The following ATPAF2 variants were observed in gnomAD, a reference collection of about 807,000 sequenced individuals.
The protein encoded by ATPAF2 is ATP12 homolog.
In ATPAF2, 30 loss-of-function variants were observed where a neutral mutation model predicts 36.6. That is an observed-to-expected ratio of 0.82 (90% CI 0.61 to 1.11). ATPAF2 has a LOEUF of 1.11. Ranked by LOEUF, ATPAF2 falls within the 50% of genes most tolerant of loss-of-function variation. The pLI is 0.00. For synonymous variants in ATPAF2, 140 were observed against 152.6 expected (o/e 0.92, Z 0.61); for missense variants, 321 against 372.3 (o/e 0.86, Z 1.13).
chr17:18,020,861 A>G (rs749764599), intron 7 of ATPAF2: 2 of 667,526 alleles, frequency 3.0e-6, no homozygotes, highest in Admixed American at 3.7e-5. Context: ...GGGTTTTGCC[A>G]TGTTGCCCAG....
chr17:18,022,337 G>A (rs535883995), intron 5 of ATPAF2, among the ~76,000 whole-genome samples: 5 of 152,178 alleles, frequency 3.3e-5, no homozygotes, highest in South Asian at 2.1e-4. Flanking sequence ...GCTGGAGTGC[G>A]CTGGCATGAT....
At chr17:18,036,231 T>G (rs942968347) in intron 1 of ATPAF2, among the ~76,000 whole-genome samples, 3 of 152,108 alleles carry the variant, frequency 2.0e-5, no homozygotes, top group African/African-American at 7.2e-5. Flanking sequence ...CTTCTACTAC[T>G]TCAAATACGC....
chr17:18,021,132 C>T lies in ATPAF2; in HGVS notation c.723G>A (p.Glu241=). The change falls in exon 7 of 8, where the codon GAG becomes GAA. Residue 241 remains glutamate, a synonymous_variant. Transcript: ENST00000474627. ...AGGTGCTGCTCCTCACCTGGTACTCCTCCTCCAGGCGTGACAGCAGCACGG... is the reference window on the plus strand; with the variant it reads ...AGGTGCTGCTCCTCACCTGGTACTCTTCCTCCAGGCGTGACAGCAGCACGG... ...EQAVLLSRLE[E]EYQIQKWGNI... is the part of the protein sequence containing the mutation. 1.2e-6 allele frequency: 2 copies of T among 1,613,384 alleles called. No homozygotes were observed. Among genetic ancestry groups the T allele is most frequent in the Non-Finnish European group, 1.7e-6 (2 of 1,179,764 alleles).
chr17:18,018,871 C>T (rs1212646157), intron 7 of ATPAF2, among the ~76,000 whole-genome samples, 185 bp from the exon 8 acceptor site: 1 of 152,180 alleles, frequency 6.6e-6, no homozygotes, highest in Non-Finnish European at 1.5e-5. Context: ...CACGGTGGCT[C>T]ACGCCTGTAA....
At chr17:18,033,922 C>T (rs888827359) in intron 1 of ATPAF2, among the ~76,000 whole-genome samples, 6 of 151,886 alleles carry the variant, frequency 4.0e-5, no homozygotes, top group Non-Finnish European at 7.4e-5. Flanking sequence ...GAGTTCAAGA[C>T]CAGCCTGAGC....
intron 5 of ATPAF2, among the ~76,000 whole-genome samples, chr17:18,022,217 T>C (rs1165020021): frequency 6.6e-6 from 1 of 152,244 alleles, no homozygotes; most frequent in Non-Finnish European, 1.5e-5. Flanking sequence ...TTTGAGGACA[T>C]ATAAAAGTTA....
intron 1 of ATPAF2, among the ~76,000 whole-genome samples, chr17:18,029,814 C>T (rs567407195): frequency 1.4e-5 from 2 of 146,104 alleles, no homozygotes; most frequent in South Asian, 4.4e-4. Flanking sequence ...TGGTCTCGAA[C>T]TCCTGACCTC....
chr17:18,031,652 C>T (rs1424696662), intron 1 of ATPAF2, among the ~76,000 whole-genome samples: 4 of 151,826 alleles, frequency 2.6e-5, no homozygotes, highest in South Asian at 2.1e-4. Context: ...TGGTGGCGGG[C>T]GCCTGTAGTC....
At position 18,029,064 on chromosome 17, in the gene ATPAF2, T is replaced by G. The variant is rs573453236; in HGVS notation, c.134-405A>C. Reference sequence around the variant, plus strand: ...CCATTTCAGGCAAGACTCTGATGCCTCTAAGGAGTGAGTGGAAAGCCAGTG... The same window carrying G: ...CCATTTCAGGCAAGACTCTGATGCCGCTAAGGAGTGAGTGGAAAGCCAGTG... On this transcript the variant is annotated intron_variant, in intron 1 of 7. Transcript: ENST00000474627. Among the ~76,000 whole-genome samples, 18 of 152,290 alleles carry G rather than the reference T, an allele frequency of 1.2e-4. No individual in the cohort carries two copies. The South Asian group carries it at 3.7e-3, about 32-fold the overall frequency.
chr17:18,021,770 T>C lies in ATPAF2; in HGVS notation c.591A>G (p.Ala197=). ...KTREVLVSHL[A]SYNTWALQGI... Reference sequence around the variant, plus strand: ...CTTGTAAAGCCCATGTGTTGTAAGATGCCAGGTGGCTGACGAGCACCTCCC... The same window carrying C: ...CTTGTAAAGCCCATGTGTTGTAAGACGCCAGGTGGCTGACGAGCACCTCCC... Residue 197 remains alanine, a synonymous_variant, in exon 6 of 8, where the codon GCA becomes GCG. Transcript: ENST00000474627. 1 of 1,614,118 alleles carries C rather than the reference T, an allele frequency of 6.2e-7. No individual in the cohort carries two copies. Among genetic ancestry groups the C allele is most frequent in the Non-Finnish European group, 8.5e-7 (1 of 1,180,016 alleles).
chr17:18,016,276 A>G (rs1390776259), downstream of ATPAF2: 7 of 1,412,254 alleles, frequency 5.0e-6, no homozygotes, highest in Non-Finnish European at 6.9e-6. Flanking sequence ...TAGTGGATAG[A>G]ATTTTCATTA....
At chr17:18,016,776 T>C (rs2044380791), downstream of ATPAF2, 1 of 621,858 alleles carries the variant, frequency 1.6e-6, no homozygotes, top group Non-Finnish European at 2.8e-6. Context: ...GCTGGGCATC[T>C]CTCAACCGCG....
intron 3 of ATPAF2, among the ~76,000 whole-genome samples, chr17:18,027,508 C>T (rs559865436): frequency 1.0e-3 from 154 of 152,278 alleles, no homozygotes; most frequent in African/African-American, 3.5e-3. Context: ...TCATCCTGAC[C>T]ACAGCTCCGT....
chr17:18,019,889 A>G (rs1402725474), intron 7 of ATPAF2, among the ~76,000 whole-genome samples: 4 of 152,254 alleles, frequency 2.6e-5, no homozygotes, highest in Non-Finnish European at 4.4e-5. Context: ...ACCAAAGTTC[A>G]GAGAATGATG....
At chr17:18,028,749 T>A in intron 1 of ATPAF2, 90 bp from the exon 2 acceptor site, 5 of 1,190,852 alleles carry the variant, frequency 4.2e-6, no homozygotes, top group Non-Finnish European at 6.2e-6. Flanking sequence ...TTACTGCTAA[T>A]GTTGATTGAT....
intron 1 of ATPAF2, among the ~76,000 whole-genome samples, chr17:18,031,576 T>C (rs866438298): frequency 6.9e-4 from 105 of 151,812 alleles, no homozygotes; most frequent in Middle Eastern, 3.4e-3. Flanking sequence ...GTCAGGAGAT[T>C]GAGACCATCC....
chr17:18,026,357 G>C lies in ATPAF2; in HGVS notation c.384C>G (p.Ile128Met). 6.2e-7 allele frequency: 1 copy of C among 1,614,198 alleles called. No homozygotes were observed. The highest frequency in any genetic ancestry group is 2.2e-5 in the East Asian group (1 of 44,882). ...TGTCCAGAAACTTCACGGCTGCCCGGATCAGCTGATCCTTGTTTCTCTGGG... is the reference window on the plus strand; with the variant it reads ...TGTCCAGAAACTTCACGGCTGCCCGCATCAGCTGATCCTTGTTTCTCTGGG... ...NPTQRNKDQL[I>M]RAAVKFLDTD... is the part of the protein sequence containing the mutation. Residue 128 changes from isoleucine (I) to methionine (M), a missense_variant, in exon 4 of 8, where the codon ATC (isoleucine) becomes ATG (methionine). By Grantham distance (10) the Ile-to-Met change is conservative (BLOSUM62 1). Coordinates refer to ENST00000474627, the MANE Select transcript of ATPAF2 (RefSeq NM_145691.4).
Position 18,038,910 on chromosome 17 carries a change from G to A in ATPAF2, c.104C>T (p.Ser35Phe), listed in dbSNP as rs757405296. The A allele has an allele frequency of 1.8e-5, 29 of 1,614,080 alleles. No homozygotes were observed. Among genetic ancestry groups the A allele is most frequent in the Admixed American group, 3.3e-5 (2 of 60,032 alleles). Residue 35 changes from serine to phenylalanine, a missense_variant, in exon 1 of 8, where the codon TCT (serine) becomes TTT (phenylalanine). Physicochemically the swap from Ser to Phe is radical, Grantham distance 155 (BLOSUM62 -2). This residue lies in a region of ATPAF2 where 69 missense variants were observed against 60.1 expected (regional missense o/e 1.15). Coordinates refer to ENST00000474627, the MANE Select transcript of ATPAF2 (RefSeq NM_145691.4). ...CGGCGGGGCGTAAGCCCGGGCTGGA[G>A]ACGGGATGGTTGGCCCCGGACTCAT... is the stretch of plus-strand genomic sequence containing the variant. ...ASMSPGPTIPSPARAYAPPTE... is the reference protein window; with the variant it reads ...ASMSPGPTIPFPARAYAPPTE...
intron 7 of ATPAF2, 114 bp downstream of exon 7, chr17:18,021,009 A>G: frequency 1.4e-6 from 2 of 1,481,062 alleles, no homozygotes; most frequent in Non-Finnish European, 1.8e-6. Flanking sequence ...CTGCGTGTAC[A>G]TAAAAGTAAT....
Sources: gnomAD v4.1 joint callset for allele counts (sites outside exome capture counted in the v4.1 genomes callset) on GRCh38, gnomAD v4.1.1 for gene constraint, gnomAD v4.1.1 regional missense constraint, MANE v1.5 for transcripts, NCBI Gene and HGNC (gene_info 2026-07-23, HGNC 2026-07-21) for gene names.